MYBL1: variants seen among roughly 807,000 people sequenced by gnomAD.
The protein encoded by MYBL1 is myb-related protein A.
MYBL1 carries 17 observed loss-of-function variants against 96.3 expected under a neutral mutation model. That is an observed-to-expected ratio of 0.18 (90% CI 0.12 to 0.26). The LOEUF is 0.26. Among genes scored for constraint, MYBL1 ranks in the 10% least tolerant of loss-of-function variants. The probability of loss-of-function intolerance (pLI) is 1.00; values close to 1 mark genes in which losing one functional copy is unlikely to be tolerated. For missense variants in MYBL1, 701 were observed against 882.9 expected (o/e 0.79, Z 2.61); for synonymous variants, 282 against 292.7 (o/e 0.96, Z 0.37).
At chr8:66,587,922 T>C (rs1028327434) in intron 8 of MYBL1, among the ~76,000 whole-genome samples, 1 of 152,152 alleles carries the variant, frequency 6.6e-6, no homozygotes, top group Non-Finnish European at 1.5e-5. Flanking sequence ...AAAGTAAAAA[T>C]TTTCAGAATG....
At chr8:66,580,004 A>C in intron 9 of MYBL1, 129 bp downstream of exon 9, 3 of 680,804 alleles carry the variant, frequency 4.4e-6, no homozygotes, top group Non-Finnish European at 7.1e-6. Flanking sequence ...AAGCCACTGC[A>C]AAATATCAGA....
intron 12 of MYBL1, among the ~76,000 whole-genome samples, chr8:66,568,218 T>C (rs1328240289): frequency 6.6e-6 from 1 of 152,186 alleles, no homozygotes; most frequent in Admixed American, 6.5e-5. Flanking sequence ...TCATCTAGAC[T>C]GAGACATACA....
intron 1 of MYBL1, among the ~76,000 whole-genome samples, chr8:66,608,189 G>A (rs1181295880): frequency 1.3e-5 from 2 of 152,048 alleles, no homozygotes; most frequent in East Asian, 3.8e-4. Context: ...GTAAAATTTT[G>A]CCCCTTACTT....
chr8:66,578,180 C>G (rs1042496396), intron 9 of MYBL1, among the ~76,000 whole-genome samples: 1 of 152,014 alleles, frequency 6.6e-6, no homozygotes, highest in African/African-American at 2.4e-5. Flanking sequence ...ACAAGGACTT[C>G]ATGTCTAAAA....
chr8:66,596,772 T>C (rs1586589498), intron 5 of MYBL1, among the ~76,000 whole-genome samples: 1 of 152,164 alleles, frequency 6.6e-6, no homozygotes, highest in South Asian at 2.1e-4. Context: ...AGAAAACATA[T>C]GAACCAGTAC....
At chr8:66,607,649 C>G (rs1206691832) in intron 1 of MYBL1, among the ~76,000 whole-genome samples, 8 of 149,322 alleles carry the variant, frequency 5.4e-5, no homozygotes, top group South Asian at 2.1e-4. Context: ...GAAAATACCT[C>G]TAGGAAGAGG....
intron 8 of MYBL1, among the ~76,000 whole-genome samples, chr8:66,588,242 A>G (rs1563540377): frequency 6.6e-6 from 1 of 150,556 alleles, no homozygotes; most frequent in Non-Finnish European, 1.5e-5. Context: ...TGAAAAAACC[A>G]TAGGTTACAA....
At chr8:66,586,785 A>G (rs1438323059) in intron 8 of MYBL1, among the ~76,000 whole-genome samples, 1 of 152,250 alleles carries the variant, frequency 6.6e-6, no homozygotes, top group African/African-American at 2.4e-5. Flanking sequence ...ATAAAGCAAG[A>G]AAATGTGCTG....
chr8:66,571,182 C>T (rs1053904348), intron 12 of MYBL1, among the ~76,000 whole-genome samples: 5 of 152,106 alleles, frequency 3.3e-5, no homozygotes, highest in African/African-American at 1.2e-4. Context: ...TCTGTATCTG[C>T]CTAAAATGCC....
intron 2 of MYBL1, among the ~76,000 whole-genome samples, chr8:66,602,153 G>A (rs938223260): frequency 1.4e-4 from 21 of 151,836 alleles, no homozygotes; most frequent in African/African-American, 4.8e-4. Flanking sequence ...AGGTTCAAGT[G>A]ATCCTCCTGC....
Position 66,595,716 on chromosome 8 carries a change from C to A in MYBL1, c.554G>T (p.Arg185Leu). The A allele has an allele frequency of 6.3e-7, 1 of 1,575,056 alleles. No individual in the cohort carries two copies. The highest frequency in any genetic ancestry group is 8.6e-7 in the Non-Finnish European group (1 of 1,158,196). The change falls in exon 6 of 16, where the codon CGA becomes CTA. Residue 185 changes from arginine (R) to leucine (L), a missense_variant. Around this residue, in one of 5 missense-constraint regions of MYBL1, gnomAD observed 37 missense variants for 135.0 expected, o/e 0.27. Coordinates refer to ENST00000522677, the MANE Select transcript of MYBL1 (RefSeq NM_001080416.4). ...SIKNHWNSTM[R>L]RKVEQEGYLQ... ...ATAGCCCTCCTGTTCCACTTTTCTTCGCATAGTAGAATTCCAATGATTTTT... is the reference window on the plus strand; with the variant it reads ...ATAGCCCTCCTGTTCCACTTTTCTTAGCATAGTAGAATTCCAATGATTTTT...
chr8:66,576,247 G>T lies in MYBL1; in HGVS notation c.1230C>A (p.Asn410Lys). ...HNEGAMECQF[N>K]VSLVLEGKKN... The stretch of plus-strand genomic sequence containing the variant: ...TTTTCCCTTCAAGTACAAGACTGAC[G>T]TTAAATTGGCATTCCATGGCTCCTT... The change falls in exon 10 of 16, where the codon AAC (asparagine) becomes AAA (lysine). Residue 410 changes from asparagine (N) to lysine (K), a missense_variant. By Grantham distance (94) the Asn-to-Lys change is moderately conservative. Coordinates refer to ENST00000522677, the MANE Select transcript of MYBL1 (RefSeq NM_001080416.4). The T allele has an allele frequency of 6.2e-7, 1 of 1,613,932 alleles. No individual in the cohort carries two copies. Among genetic ancestry groups the T allele is most frequent in the Non-Finnish European group, 8.5e-7 (1 of 1,179,876 alleles).
At chr8:66,606,262 C>A (rs1158534147) in intron 1 of MYBL1, among the ~76,000 whole-genome samples, 1 of 152,192 alleles carries the variant, frequency 6.6e-6, no homozygotes, top group African/African-American at 2.4e-5. Flanking sequence ...TATAGTGCTG[C>A]TTTAAGGATA....
At chr8:66,592,016 A>C (rs1809665711) in intron 8 of MYBL1, among the ~76,000 whole-genome samples, 2 of 152,152 alleles carry the variant, frequency 1.3e-5, no homozygotes, top group South Asian at 2.1e-4. Flanking sequence ...CTATAATCCC[A>C]GCACTTTGGG....
At chr8:66,609,660 C>A (rs1417047830) in intron 1 of MYBL1, among the ~76,000 whole-genome samples, 1 of 151,986 alleles carries the variant, frequency 6.6e-6, no homozygotes, top group African/African-American at 2.4e-5. Context: ...GAGGAGAGTT[C>A]TACCTAGTAA....
chr8:66,604,543 C>A (rs532344569), intron 1 of MYBL1, among the ~76,000 whole-genome samples: 2 of 151,426 alleles, frequency 1.3e-5, no homozygotes, highest in Non-Finnish European at 2.9e-5. Flanking sequence ...TCCTACTTTA[C>A]AATAAAATAA....
chr8:66,572,147 C>T (rs188505997), intron 12 of MYBL1, among the ~76,000 whole-genome samples: 1,781 of 151,516 alleles, frequency 0.012, 37 homozygotes, highest in African/African-American at 0.039. Context: ...TGGTGAAACC[C>T]CATCTCTACT....
rs1465382701 is a variant in MYBL1 at position 66,564,406 on chromosome 8, A to C, written c.*291T>G. On this transcript the variant is annotated 3_prime_UTR_variant, in exon 16 of 16. Transcript: ENST00000522677. ...GTAGCAACATATATCTTGTGAAGAAAATATATGAGAATTTACTTTTAGAAA... is the reference window on the plus strand; with the variant it reads ...GTAGCAACATATATCTTGTGAAGAACATATATGAGAATTTACTTTTAGAAA... 1.0e-5 allele frequency: 2 copies of C among 191,610 alleles called. No individual in the cohort carries two copies. The highest frequency in any genetic ancestry group is 4.7e-5 in the African/African-American group (2 of 42,838). 11.9% of individuals were successfully genotyped at this position (191,610 alleles called of 1,614,324 possible). A position where few individuals can be genotyped will look rare whatever the true frequency, so the allele number is the denominator to read the frequency against.
At chr8:66,603,822 G>A (rs1810201273) in intron 1 of MYBL1, among the ~76,000 whole-genome samples, 1 of 151,882 alleles carries the variant, frequency 6.6e-6, no homozygotes, top group Non-Finnish European at 1.5e-5. Flanking sequence ...CATATTATTG[G>A]ATAAGAAAAC....
Sources: allele counts gnomAD v4.1 joint callset (sites outside exome capture counted in the v4.1 genomes callset), GRCh38; gene constraint gnomAD v4.1.1; regional missense constraint gnomAD v4.1.1; transcripts MANE v1.5; gene names NCBI Gene and HGNC (gene_info 2026-07-23, HGNC 2026-07-21).